ARHGEF16: variants seen among roughly 807,000 people sequenced by gnomAD.
ARHGEF16 encodes Rho guanine exchange factor (GEF) 16.
ARHGEF16 carries 59 observed loss-of-function variants against 74.1 expected under a neutral mutation model. That is an observed-to-expected ratio of 0.80 (90% CI 0.65 to 0.99). The LOEUF is 0.99. Among genes scored for constraint, ARHGEF16 ranks in the 50% least tolerant of loss-of-function variants. The pLI is 0.00. For missense variants in ARHGEF16, 948 were observed against 986.6 expected (o/e 0.96, Z 0.52); for synonymous variants, 415 against 412.6 (o/e 1.01, Z -0.07).
At position 3,479,536 on chromosome 1, in the gene ARHGEF16, A is replaced by G; in HGVS notation, c.1834A>G (p.Ile612Val). 6.2e-7 allele frequency: 1 copy of G among 1,612,550 alleles called. No homozygotes were observed. The highest frequency in any genetic ancestry group is 8.5e-7 in the Non-Finnish European group (1 of 1,179,864). ...SDSASDRARW[I>V]VALTHSERQW... The stretch of plus-strand genomic sequence containing the variant: ...CCCCAGGAGTGACCGGGCACGGTGG[A>G]TCGTGGCGCTCACACACAGTGAGAG... The change falls in exon 13 of 15, where the codon ATC becomes GTC. Residue 612 changes from isoleucine (I) to valine (V), a missense_variant. Coordinates refer to ENST00000378378, the MANE Select transcript of ARHGEF16 (RefSeq NM_014448.4).
chr1:3,480,928 A>C lies in ARHGEF16; in HGVS notation c.*341A>C. On this transcript the variant is annotated 3_prime_UTR_variant, in exon 15 of 15. Coordinates refer to ENST00000378378, the MANE Select transcript of ARHGEF16 (RefSeq NM_014448.4). Reference sequence around the variant, plus strand: ...GGACTGATGGGCACAGGAGGCACCAATAGCGATTATTGGGGGCAATGCGAG... The same window carrying C: ...GGACTGATGGGCACAGGAGGCACCACTAGCGATTATTGGGGGCAATGCGAG... The C allele has an allele frequency of 1.2e-5, 4 of 322,100 alleles. No homozygotes were observed. The highest frequency in any genetic ancestry group is 1.1e-5 in the Non-Finnish European group (2 of 174,460). 20.0% of individuals were successfully genotyped at this position (322,100 alleles called of 1,614,324 possible). A position where few individuals can be genotyped will look rare whatever the true frequency, so the allele number is the denominator to read the frequency against.
intron 6 of ARHGEF16, among the ~76,000 whole-genome samples, chr1:3,470,108 T>G (rs1244807581): frequency 6.6e-6 from 1 of 151,050 alleles, no homozygotes; most frequent in Non-Finnish European, 1.5e-5. Flanking sequence ...GGGTGGGGTG[T>G]GTGTGCGTGG....
chr1:3,472,824 C>T (rs914495172), intron 6 of ARHGEF16: 29 of 498,458 alleles, frequency 5.8e-5, no homozygotes, highest in African/African-American at 4.0e-4. Flanking sequence ...GGCACCAGTG[C>T]GTGGGATCGT....
chr1:3,474,023 T>C lies in ARHGEF16; in HGVS notation c.1305+501T>C, dbSNP rs1639813069. On this transcript the variant is annotated intron_variant, in intron 8 of 14. Transcript: ENST00000378378. ...GTGTACACACACACGCACACATGTA[T>C]ATACAGTGTACACGCACTCAGGCAC... 2.3e-5 allele frequency: 5 copies of C among 217,256 alleles called. No homozygotes were observed. The South Asian group carries it at 4.0e-4, about 17-fold the overall frequency. The allele number at this position is 217,256 out of a possible 1,614,324, so 13.5% of individuals were successfully genotyped here. A position where few individuals can be genotyped will look rare whatever the true frequency, so the allele number is the denominator to read the frequency against.
chr1:3,461,196 A>T (rs1317568457), intron 1 of ARHGEF16, among the ~76,000 whole-genome samples: 3 of 152,254 alleles, frequency 2.0e-5, no homozygotes, highest in Admixed American at 2.0e-4. Context: ...TAAAAGGGAA[A>T]GAATGAAAGC....
chr1:3,471,786 T>C (rs1197006556), intron 6 of ARHGEF16: 39 of 1,104,408 alleles, frequency 3.5e-5, no homozygotes, highest in Admixed American at 5.0e-5. Flanking sequence ...ATCATCGCTA[T>C]TTGGGGTAAG....
At chr1:3,478,675 GT>G in intron 12 of ARHGEF16, 63 bp downstream of exon 12, 1 of 1,510,266 alleles carries the variant, frequency 6.6e-7, no homozygotes, top group Non-Finnish European at 8.9e-7. Context: ...TGGGGACCGG[GT>G]TGTCCCCCTG....
intron 1 of ARHGEF16, among the ~76,000 whole-genome samples, chr1:3,459,148 GC>G (rs1227342242): frequency 6.6e-6 from 1 of 152,158 alleles, no homozygotes. Context: ...CCCTACGGGG[GC>G]ACATCAGCAC....
chr1:3,475,904 TG>T, intron 9 of ARHGEF16, 65 bp from the exon 10 acceptor site: 1 of 1,465,400 alleles, frequency 6.8e-7, no homozygotes, highest in Non-Finnish European at 9.2e-7. Context: ...GGGCACACTG[TG>T]GGCCGTGTGG....
rs773341291 is a variant in ARHGEF16, at chr1:3,473,120, G to A, written c.1065G>A (p.Leu355=). The A allele has an allele frequency of 2.5e-5, 41 of 1,613,460 alleles. No individual in the cohort carries two copies. In the African/African-American group the frequency reaches 4.7e-4, roughly 18 times the overall value. The change falls in exon 7 of 15, where the codon CTG becomes CTA. Residue 355 remains leucine, a synonymous_variant. Transcript: ENST00000378378. The part of the protein sequence containing the change: ...DLEQRHKAQV[L]VEDISDILEE... ...AGCAGCGGCACAAGGCCCAGGTGCT[G>A]GTCGAGGACATCAGTGACATCCTGG...
intron 1 of ARHGEF16, among the ~76,000 whole-genome samples, 184 bp from the exon 2 acceptor site, chr1:3,462,882 A>C (rs1207469134): frequency 6.6e-6 from 1 of 152,026 alleles, no homozygotes; most frequent in Non-Finnish European, 1.5e-5. Flanking sequence ...GCTGGCTCCC[A>C]GTGGTCAGGA....
At chr1:3,463,809 GT>G in intron 2 of ARHGEF16, 137 bp downstream of exon 2, 1 of 686,136 alleles carries the variant, frequency 1.5e-6, no homozygotes, top group Non-Finnish European at 2.1e-6. Flanking sequence ...CTCTCGACTG[GT>G]TTATTCCAGT....
Position 3,473,200 on chromosome 1 carries a change from T to A in ARHGEF16, c.1145T>A (p.Val382Asp). The A allele has an allele frequency of 6.2e-7, 1 of 1,613,134 alleles. No individual in the cohort carries two copies. Reference sequence around the variant, plus strand: ...TACATCGCCTACTGCTCCAACGAGGTCTACCAACAGCGCACGCTGCAGAAG... The same window carrying A: ...TACATCGCCTACTGCTCCAACGAGGACTACCAACAGCGCACGCTGCAGAAG... ...HPYIAYCSNE[V>D]YQQRTLQKLI... The change falls in exon 7 of 15, where the codon GTC becomes GAC. Residue 382 changes from valine to aspartate, a missense_variant. By Grantham distance (152) the Val-to-Asp change is radical. Transcript: ENST00000378378.
chr1:3,463,137 G>T lies in ARHGEF16; in HGVS notation c.53G>T (p.Arg18Leu). ...SSLEEKLLGH[R>L]FHSELRLDAG... is the part of the protein sequence containing the mutation. ...TTGGAGGAGAAGCTCCTGGGACACC[G>T]CTTCCACTCGGAGCTCCGGCTCGAT... The change falls in exon 2 of 15, where the codon CGC becomes CTC. Residue 18 changes from arginine to leucine, a missense_variant. Arg to Leu is a moderately radical substitution (Grantham distance 102, BLOSUM62 -2). Coordinates refer to ENST00000378378, the MANE Select transcript of ARHGEF16 (RefSeq NM_014448.4). The T allele has an allele frequency of 6.7e-7, 1 of 1,485,754 alleles. No homozygotes were observed. The highest frequency in any genetic ancestry group is 9.0e-7 in the Non-Finnish European group (1 of 1,112,622). 92.0% of individuals were successfully genotyped at this position (1,485,754 alleles called of 1,614,324 possible). A position where few individuals can be genotyped will look rare whatever the true frequency, so the allele number is the denominator to read the frequency against.
chr1:3,478,249 CGAG>C (rs1398870928), intron 11 of ARHGEF16, 172 bp from the exon 12 acceptor site: 5 of 916,434 alleles, frequency 5.5e-6, no homozygotes, highest in Middle Eastern at 3.2e-4. Context: ...GTGATAGCCA[CGAG>C]GAGGACTCGA....
rs564767607 is a variant in ARHGEF16 at position 3,471,882 on chromosome 1, G to A, written c.1023-1196G>A. 1.0e-4 allele frequency: 103 copies of A among 1,002,808 alleles called. No individual in the cohort carries two copies. The African/African-American group carries it at 1.7e-3, about 16-fold the overall frequency. The allele number at this position is 1,002,808 out of a possible 1,614,324, so 62.1% of individuals were successfully genotyped here. On this transcript the variant is annotated intron_variant, in intron 6 of 14. Coordinates refer to ENST00000378378, the MANE Select transcript of ARHGEF16 (RefSeq NM_014448.4). ...TGACCGGCCTGGCCGGCCTGGGCAC[G>A]TACGCATGTCGTGGCCCTGCTCATC...
intron 11 of ARHGEF16, 90 bp downstream of exon 11, chr1:3,478,116 T>G: frequency 1.3e-6 from 2 of 1,547,440 alleles, no homozygotes; most frequent in South Asian, 2.3e-5. Flanking sequence ...GAGTTGGCCC[T>G]GAGCCCCTCT....
chr1:3,473,740 C>T, intron 8 of ARHGEF16: 2 of 773,592 alleles, frequency 2.6e-6, no homozygotes, highest in East Asian at 2.8e-5. Flanking sequence ...TGTTCCAGCC[C>T]TTGGCGGATT....
intron 2 of ARHGEF16, among the ~76,000 whole-genome samples, chr1:3,464,846 G>A (rs1474254239): frequency 6.6e-6 from 1 of 152,190 alleles, no homozygotes; most frequent in Admixed American, 6.5e-5. Flanking sequence ...GCCTCCTCAG[G>A]CCCAGCTCCT....
Sources: gnomAD v4.1 joint callset for allele counts (sites outside exome capture counted in the v4.1 genomes callset) on GRCh38, gnomAD v4.1.1 for gene constraint, MANE v1.5 for transcripts, NCBI Gene and HGNC (gene_info 2026-07-23, HGNC 2026-07-21) for gene names.